CDHR3: variants seen among roughly 807,000 people sequenced by gnomAD.
CDHR3 encodes cadherin related family member 3.
In CDHR3, 79 loss-of-function variants were observed where a neutral mutation model predicts 86.6. That is an observed-to-expected ratio of 0.91 (90% CI 0.76 to 1.10). The LOEUF (loss-of-function observed/expected upper bound fraction) is 1.10, where lower values mean the gene tolerates loss of function less well. Ranked by LOEUF, CDHR3 falls within the 50% of genes least tolerant of loss-of-function variation. The pLI is 0.00. For missense variants in CDHR3, 1,081 were observed against 1,077.6 expected (o/e 1.00, Z -0.04); for synonymous variants, 421 against 402.4 (o/e 1.05, Z -0.55).
At chr7:106,020,853 C>T (rs1421431399) in intron 13 of CDHR3, among the ~76,000 whole-genome samples, 1 of 152,132 alleles carries the variant, frequency 6.6e-6, no homozygotes. Flanking sequence ...TGCTTCCTGG[C>T]ACTCCTCTCA....
At chr7:106,004,742 C>T (rs1247531419) in intron 8 of CDHR3, 55 bp downstream of exon 8, 3 of 1,525,156 alleles carry the variant, frequency 2.0e-6, no homozygotes, top group Non-Finnish European at 1.8e-6. Context: ...TGGCCCTCTG[C>T]CCTTCTGCTT....
rs1435286716 is a variant in CDHR3, at chr7:106,027,734, G to A, written c.2273-817G>A. On this transcript the variant is annotated intron_variant, in intron 16 of 18. Transcript: ENST00000317716. ...GACATGCTTAAGGCATGTCTCAACA[G>A]GGTTAGAAATTTGATTATAGTGGTT... 2.1e-5 allele frequency: 9 copies of A among 425,958 alleles called. No individual in the cohort carries two copies. The East Asian group carries it at 6.4e-4, about 30-fold the overall frequency. The allele number at this position is 425,958 out of a possible 1,614,324, so 26.4% of individuals were successfully genotyped here.
intron 8 of CDHR3, among the ~76,000 whole-genome samples, chr7:106,005,721 G>A (rs1833858012): frequency 6.6e-6 from 1 of 152,206 alleles, no homozygotes; most frequent in Non-Finnish European, 1.5e-5. Flanking sequence ...AGGAGAAGCA[G>A]GAGAAATAGA....
chr7:106,003,898 C>A (rs1833559978), intron 7 of CDHR3, among the ~76,000 whole-genome samples: 1 of 136,574 alleles, frequency 7.3e-6, no homozygotes, highest in South Asian at 2.3e-4. Flanking sequence ...CAACTTTTAA[C>A]AAGTAGAGTG....
chr7:106,000,575 A>T (rs925135960), intron 6 of CDHR3, among the ~76,000 whole-genome samples: 1 of 152,206 alleles, frequency 6.6e-6, no homozygotes, highest in East Asian at 1.9e-4. Flanking sequence ...TACTTGCCCC[A>T]CTGAAATGAT....
Position 106,017,965 on chromosome 7 carries a change from C to T in CDHR3, c.1546C>T (p.Pro516Ser). The change falls in exon 12 of 19, where the codon CCC (proline) becomes TCC (serine). Residue 516 changes from proline to serine, a missense_variant. Pro to Ser is a moderately conservative substitution (Grantham distance 74). Transcript: ENST00000317716. ...GTATCCAAATGTATTTTGGATTAAT[C>T]CCAAGACAGGAGAACTCCAGCTGGT... ...LQYPNVFWIN[P>S]KTGELQLVTK... is the part of the protein sequence containing the mutation. 1 of 1,613,858 alleles carries T rather than the reference C, an allele frequency of 6.2e-7. No homozygotes were observed.
rs1338525250 is a variant in CDHR3 at position 106,034,202 on chromosome 7, T to C, written c.*1505T>C. Among the ~76,000 whole-genome samples, 1 of 152,186 alleles carries C rather than the reference T, an allele frequency of 6.6e-6. No homozygotes were observed. The highest frequency in any genetic ancestry group is 2.4e-5 in the African/African-American group (1 of 41,450). ...GAACTGGGAATAAATGGTATTATGA[T>C]GGAATAGGAAATGTAACTTTCCAAT... On this transcript the variant is annotated 3_prime_UTR_variant, in exon 19 of 19. Coordinates refer to ENST00000317716, the MANE Select transcript of CDHR3 (RefSeq NM_152750.5).
chr7:105,995,832 ACACATTGGC>A, intron 5 of CDHR3, among the ~76,000 whole-genome samples: 1 of 152,118 alleles, frequency 6.6e-6, no homozygotes, highest in African/African-American at 2.4e-5. Flanking sequence ...GTGGATGACA[ACACATTGGC>A]CTTGGGGTGA....
intron 8 of CDHR3, 111 bp from the exon 9 acceptor site, chr7:106,012,749 A>G (rs1227980259): frequency 2.5e-6 from 3 of 1,181,296 alleles, no homozygotes; most frequent in East Asian, 2.4e-5. Context: ...ATGACCATGG[A>G]CTTACTTTGA....
chr7:106,031,753 A>G, intron 18 of CDHR3, among the ~76,000 whole-genome samples: 1 of 152,110 alleles, frequency 6.6e-6, no homozygotes, highest in Admixed American at 6.5e-5. Flanking sequence ...AGGCTCTTCC[A>G]GAGCAAAAGG....
intron 15 of CDHR3, among the ~76,000 whole-genome samples, chr7:106,026,293 C>T (rs937687722): frequency 1.3e-5 from 2 of 152,214 alleles, no homozygotes; most frequent in African/African-American, 4.8e-5. Flanking sequence ...TCAAACCTCC[C>T]TGTTGTGAGC....
At chr7:106,032,230 A>C (rs1444896978) in intron 18 of CDHR3, among the ~76,000 whole-genome samples, 163 bp from the exon 19 acceptor site, 1 of 152,006 alleles carries the variant, frequency 6.6e-6, no homozygotes, top group Non-Finnish European at 1.5e-5. Context: ...GCTGGTGGAG[A>C]TTGTGGGGCT....
At chr7:106,002,447 G>A (rs1452326714) in intron 7 of CDHR3, among the ~76,000 whole-genome samples, 2 of 151,312 alleles carry the variant, frequency 1.3e-5, no homozygotes, top group Non-Finnish European at 2.9e-5. Context: ...GATTCTTCCT[G>A]GCATCTCTGT....
intron 3 of CDHR3, among the ~76,000 whole-genome samples, chr7:105,981,890 T>C (rs1031779714): frequency 2.6e-5 from 4 of 152,108 alleles, no homozygotes; most frequent in African/African-American, 4.8e-5. Context: ...CTCCTCTCTC[T>C]TTCACACTTG....
chr7:105,996,453 C>G (rs1273716573), intron 6 of CDHR3, 99 bp downstream of exon 6: 7 of 621,222 alleles, frequency 1.1e-5, no homozygotes, highest in Non-Finnish European at 2.0e-5. Flanking sequence ...AGAGGGATGC[C>G]CTTTGCTGTG....
chr7:105,975,940 C>T (rs1367409201), intron 2 of CDHR3, among the ~76,000 whole-genome samples: 1 of 152,186 alleles, frequency 6.6e-6, no homozygotes, highest in Non-Finnish European at 1.5e-5. Flanking sequence ...TTTGAAAAAG[C>T]ATGCATATTG....
At position 106,024,414 on chromosome 7, in the gene CDHR3, G is replaced by T; in HGVS notation, c.2110G>T (p.Val704Phe). The change falls in exon 15 of 19, where the codon GTT (valine) becomes TTT (phenylalanine). Residue 704 changes from valine to phenylalanine, a missense_variant. By Grantham distance (50) the Val-to-Phe change is conservative. Transcript: ENST00000317716. ...CACCTATCAGGTCCTGAGGAAAAAC[G>T]TTTACTCTCCATCTGCATGGTACGT... ...RVTYQVLRKN[V>F]YSPSAWYVPF... 1 of 1,613,976 alleles carries T rather than the reference G, an allele frequency of 6.2e-7. No individual in the cohort carries two copies.
intron 12 of CDHR3, among the ~76,000 whole-genome samples, chr7:106,019,220 T>C (rs1836151482): frequency 6.6e-6 from 1 of 152,196 alleles, no homozygotes; most frequent in Admixed American, 6.5e-5. Context: ...TCCGTGTCCA[T>C]ATTTCTCTAT....
At chr7:106,008,399 AGTG>A (rs1834272729) in intron 8 of CDHR3, among the ~76,000 whole-genome samples, 1 of 152,078 alleles carries the variant, frequency 6.6e-6, no homozygotes, top group African/African-American at 2.4e-5. Context: ...CCCTGGGCCT[AGTG>A]GTGGTAAGGG....
Sources: allele counts gnomAD v4.1 joint callset (sites outside exome capture counted in the v4.1 genomes callset), GRCh38; gene constraint gnomAD v4.1.1; transcripts MANE v1.5; gene names NCBI Gene and HGNC (gene_info 2026-07-23, HGNC 2026-07-21).